The following ARSB variants were observed in gnomAD, a reference collection of about 807,000 sequenced individuals.
ARSB encodes the protein arylsulfatase B.
ARSB carries 41 observed loss-of-function variants against 50.9 expected under a neutral mutation model. The observed-to-expected ratio is 0.81, with a 90% CI of 0.63 to 1.04. The LOEUF (loss-of-function observed/expected upper bound fraction) is 1.04. ARSB is among the 50% of genes least tolerant of loss of function. The pLI is 0.00. For missense variants in ARSB, 672 were observed against 693.3 expected (o/e 0.97, Z 0.35); for synonymous variants, 269 against 284.8 (o/e 0.94, Z 0.56).
intron 6 of ARSB, among the ~76,000 whole-genome samples, chr5:78,835,526 GAACGGAAATCA>G (rs1744912425): frequency 6.6e-6 from 1 of 152,174 alleles, no homozygotes. Context: ...TGATGTTTCG[GAACGGAAATCA>G]GAAAGGTGGC....
intron 5 of ARSB, among the ~76,000 whole-genome samples, chr5:78,866,929 GC>G (rs1681868257): frequency 6.6e-6 from 1 of 152,234 alleles, no homozygotes; most frequent in South Asian, 2.1e-4. Flanking sequence ...ACCAGGGAGT[GC>G]AAGACAGTGG....
chr5:78,947,407 T>C (rs1240213635), intron 4 of ARSB, among the ~76,000 whole-genome samples: 1 of 152,050 alleles, frequency 6.6e-6, no homozygotes, highest in Non-Finnish European at 1.5e-5. Context: ...AACCAGACTA[T>C]ATAAGGAACT....
Position 78,871,473 on chromosome 5 carries a change from G to A in ARSB, c.1142+14111C>T, listed in dbSNP as rs867009282. On this transcript the variant is annotated intron_variant, in intron 5 of 7. Coordinates refer to ENST00000264914, the MANE Select transcript of ARSB (RefSeq NM_000046.5). ...GTACTGGTACCAAAACAGAGATATA[G>A]ATCAATGGAACAGAACAGAGCCCTC... Among the ~76,000 whole-genome samples the A allele has an allele frequency of 7.6e-3, 1,139 of 150,852 alleles. 13 individuals are homozygous for A. The highest frequency in any genetic ancestry group is 0.027 in the African/African-American group (1,094 of 41,216).
At chr5:78,962,369 G>GT (rs1430131147) in intron 3 of ARSB, among the ~76,000 whole-genome samples, 2 of 152,132 alleles carry the variant, frequency 1.3e-5, no homozygotes, top group Non-Finnish European at 2.9e-5. Flanking sequence ...TAAAATCTGT[G>GT]TATTTCCACA....
chr5:78,878,131 C>T (rs895633821), intron 5 of ARSB, among the ~76,000 whole-genome samples: 4 of 152,096 alleles, frequency 2.6e-5, no homozygotes, highest in Non-Finnish European at 5.9e-5. Context: ...TGGGGGACAA[C>T]TTTAAGTGTC....
At chr5:78,791,102 G>T (rs991589983) in intron 6 of ARSB, among the ~76,000 whole-genome samples, 3 of 152,138 alleles carry the variant, frequency 2.0e-5, no homozygotes, top group Non-Finnish European at 4.4e-5. Context: ...GACTTTCCCT[G>T]CCAGTGTGAT....
chr5:78,810,182 ACT>A (rs1326627062), intron 6 of ARSB, among the ~76,000 whole-genome samples: 2 of 152,020 alleles, frequency 1.3e-5, no homozygotes, highest in Non-Finnish European at 2.9e-5. Flanking sequence ...CATTTCTTTA[ACT>A]CTCATTTCTC....
At chr5:78,822,864 T>C (rs1287368184) in intron 6 of ARSB, among the ~76,000 whole-genome samples, 1 of 152,094 alleles carries the variant, frequency 6.6e-6, no homozygotes, top group Non-Finnish European at 1.5e-5. Context: ...TCTCGATCTC[T>C]TGACCTCATG....
intron 7 of ARSB, 133 bp downstream of exon 7, chr5:78,781,718 TG>T: frequency 7.4e-7 from 1 of 1,346,334 alleles, no homozygotes; most frequent in Non-Finnish European, 1.1e-6. Context: ...AGAGTGATAA[TG>T]TCCTCTCTTT....
At chr5:78,783,937 G>A (rs1475051565) in intron 6 of ARSB, among the ~76,000 whole-genome samples, 5 of 151,890 alleles carry the variant, frequency 3.3e-5, no homozygotes, top group Non-Finnish European at 5.9e-5. Context: ...AGAATAATAT[G>A]ACTAACACCC....
At chr5:78,856,549 GAA>G (rs1377300256) in intron 5 of ARSB, among the ~76,000 whole-genome samples, 2 of 152,194 alleles carry the variant, frequency 1.3e-5, no homozygotes, top group Non-Finnish European at 2.9e-5. Flanking sequence ...GTGGGTTGGA[GAA>G]AAAGTGTATG....
chr5:78,878,071 A>G (rs1747570186), intron 5 of ARSB, among the ~76,000 whole-genome samples: 1 of 152,098 alleles, frequency 6.6e-6, no homozygotes, highest in African/African-American at 2.4e-5. Flanking sequence ...GCCCAAAATG[A>G]AATAAAGAGA....
rs558569339 is a variant in ARSB at position 78,955,403 on chromosome 5, G to T, written c.790C>A (p.His264Asn). Residue 264 changes from histidine (H) to asparagine (N), a missense_variant, in exon 4 of 8, where the codon CAT becomes AAT. Physicochemically the swap from His to Asn is moderately conservative, Grantham distance 68. Transcript: ENST00000264914. Reference protein sequence around the residue: ...PYDFIQDKNRHHYAGMVSLMD... With the variant: ...PYDFIQDKNRNHYAGMVSLMD... The stretch of plus-strand genomic sequence containing the variant: ...AGGGACACCATTCCTGCATAGTGAT[G>T]CCTGTTCTTGTCTTGGATAAAGTCA... 8.7e-5 allele frequency: 141 copies of T among 1,614,176 alleles called. 3 individuals carry two copies. The South Asian group carries it at 1.5e-3, about 18-fold the overall frequency.
chr5:78,912,579 G>A (rs1189985848), intron 4 of ARSB, among the ~76,000 whole-genome samples: 3 of 152,224 alleles, frequency 2.0e-5, no homozygotes, highest in Non-Finnish European at 4.4e-5. Flanking sequence ...AAACATATTT[G>A]CTGCGGTGGT....
At chr5:78,957,286 G>C (rs1483616595) in intron 3 of ARSB, among the ~76,000 whole-genome samples, 1 of 152,156 alleles carries the variant, frequency 6.6e-6, no homozygotes. Context: ...ACTTTGGTGG[G>C]GGGGTGGTGC....
intron 6 of ARSB, among the ~76,000 whole-genome samples, chr5:78,794,324 GA>G (rs555091098): frequency 2.7e-5 from 4 of 148,604 alleles, no homozygotes; most frequent in East Asian, 2.0e-4. Context: ...TATCATTTTG[GA>G]AAAAAAAACA....
intron 4 of ARSB, among the ~76,000 whole-genome samples, chr5:78,909,011 T>C (rs2112305494): frequency 6.6e-6 from 1 of 152,278 alleles, no homozygotes; most frequent in South Asian, 2.1e-4. Flanking sequence ...TCCACTTGGA[T>C]CAAGCTCTTG....
rs5868940 is a variant in ARSB, at chr5:78,842,780, C to CTT, written c.1143-3356_1143-3355dup. ...TCTGTTTTTGTTTTTGTTTTTTTCC[C>CTT]TTTTTTTTTTTTTAGAGAAAACGTT... On this transcript the variant is annotated intron_variant, in intron 5 of 7. Transcript: ENST00000264914. Among the ~76,000 whole-genome samples, 126 of 141,590 alleles carry CTT rather than the reference C, an allele frequency of 8.9e-4. 1 individual carries two copies. Among genetic ancestry groups the CTT allele is most frequent in the African/African-American group, 2.0e-3 (75 of 38,320 alleles). The allele number at this position is 141,590 out of a possible 152,430, so 92.9% of individuals were successfully genotyped here.
At chr5:78,953,444 G>C (rs1048301732) in intron 4 of ARSB, among the ~76,000 whole-genome samples, 2 of 152,072 alleles carry the variant, frequency 1.3e-5, no homozygotes, top group Admixed American at 6.5e-5. Context: ...TTATCATGAG[G>C]ATTCACTGAA....
Sources: allele counts gnomAD v4.1 joint callset (sites outside exome capture counted in the v4.1 genomes callset), GRCh38; gene constraint gnomAD v4.1.1; transcripts MANE v1.5; gene names NCBI Gene and HGNC (gene_info 2026-07-23, HGNC 2026-07-21).